Variants in SUPT5H observed in about 807,000 individuals in gnomAD.
The protein encoded by SUPT5H is SPT5 homolog, DSIF elongation factor subunit.
In SUPT5H, 24 loss-of-function variants were observed where a neutral mutation model predicts 142.5. The ratio of observed to expected loss-of-function variants is 0.17; its 90% CI spans 0.12 to 0.24. The LOEUF (loss-of-function observed/expected upper bound fraction) is 0.24, where lower values mean the gene tolerates loss of function less well. SUPT5H is among the 10% of genes least tolerant of loss of function. SUPT5H has a pLI of 1.00. For missense variants in SUPT5H, 893 were observed against 1,471.8 expected (o/e 0.61, Z 6.43); for synonymous variants, 546 against 553.0 (o/e 0.99, Z 0.18).
Position 39,445,959 on chromosome 19 carries a change from G to C in SUPT5H, c.69G>C (p.Glu23Asp), listed in dbSNP as rs1055319121. 70 of 1,612,710 alleles carry C rather than the reference G, an allele frequency of 4.3e-5. No individual in the cohort carries two copies. Among genetic ancestry groups the C allele is most frequent in the Non-Finnish European group, 5.7e-5 (67 of 1,179,948 alleles). Residue 23 changes from glutamate (E) to aspartate (D), a missense_variant, in exon 2 of 30, where the codon GAG (glutamate) becomes GAC (aspartate). Glu to Asp is a conservative substitution (Grantham distance 45). Coordinates refer to ENST00000432763, the MANE Select transcript of SUPT5H (RefSeq NM_001111020.3). ...GCGAGCGCAGCAGTGACGGCGAGGA[G>C]GCCGAGGTCTGTGGCTGGGGCGCTG... ...EDSERSSDGE[E>D]AEVDEERRSA...
In SUPT5H at chr19:39,458,417, C is replaced by T. The variant is rs367773535; in HGVS notation, c.319+112C>T. ...CCTCCCCACCAGCCCCGGTCTGGCC[C>T]TGAGGGCTCTGACCCATGTAGGATC... On this transcript the variant is annotated intron_variant, in intron 5 of 29. Transcript: ENST00000432763. The surrounding 1 kb of genome is among the most constrained non-coding windows in gnomAD (Gnocchi z 4.2). 14 of 1,564,180 alleles carry T rather than the reference C, an allele frequency of 9.0e-6. No homozygotes were observed. In the African/African-American group the frequency reaches 1.7e-4, roughly 20 times the overall value.
At chr19:39,465,843 C>T (rs566126938) in intron 11 of SUPT5H, among the ~76,000 whole-genome samples, 26 of 152,180 alleles carry the variant, frequency 1.7e-4, no homozygotes, top group Non-Finnish European at 2.8e-4. Context: ...CCCTAATACA[C>T]GTTGAGTGTC....
In SUPT5H at chr19:39,474,991, G is replaced by A. The variant is rs117346735; in HGVS notation, c.3024+273G>A. On this transcript the variant is annotated intron_variant, in intron 28 of 29. Coordinates refer to ENST00000432763, the MANE Select transcript of SUPT5H (RefSeq NM_001111020.3). The surrounding 1 kb of genome is among the most constrained non-coding windows in gnomAD (Gnocchi z 6.5). ...TAAGGAAAGTGACTGGGGTGAGTGA[G>A]TTCCAAATGGAGGGAACTGCATGTG... 2,187 of 528,144 alleles carry A rather than the reference G, an allele frequency of 4.1e-3. 9 individuals carry two copies. The highest frequency in any genetic ancestry group is 6.7e-3 in the Middle Eastern group (13 of 1,952). The allele number at this position is 528,144 out of a possible 1,614,324, so 32.7% of individuals were successfully genotyped here.
rs2079318593 is a variant in SUPT5H, at chr19:39,471,423, C to T, written c.1744C>T (p.Arg582Cys). 6 of 1,614,078 alleles carry T rather than the reference C, an allele frequency of 3.7e-6. No individual in the cohort carries two copies. Among genetic ancestry groups the T allele is most frequent in the African/African-American group, 1.3e-5 (1 of 74,932 alleles). ...HQAVTRKKDNRFAVALDSEQN... is the reference protein window; with the variant it reads ...HQAVTRKKDNCFAVALDSEQN... ...GGCTGTGACCCGGAAGAAGGACAACCGCTTTGCTGTGGCCTTGGACTCAGA... is the reference window on the plus strand; with the variant it reads ...GGCTGTGACCCGGAAGAAGGACAACTGCTTTGCTGTGGCCTTGGACTCAGA... The change falls in exon 19 of 30, where the codon CGC (arginine) becomes TGC (cysteine). Residue 582 changes from arginine (R) to cysteine (C), a missense_variant. By Grantham distance (180) the Arg-to-Cys change is radical. Transcript: ENST00000432763.
intron 2 of SUPT5H, among the ~76,000 whole-genome samples, chr19:39,446,675 G>A (rs1470635272): frequency 6.6e-6 from 1 of 152,174 alleles, no homozygotes; most frequent in Non-Finnish European, 1.5e-5. Context: ...GAGCAATCTC[G>A]GTAACACAAC....
rs118109109 is a variant in SUPT5H at position 39,475,914 on chromosome 19, A to G, written c.3025-167A>G. On this transcript the variant is annotated intron_variant, in intron 28 of 29. Coordinates refer to ENST00000432763, the MANE Select transcript of SUPT5H (RefSeq NM_001111020.3). Reference sequence around the variant, plus strand: ...ATTGGGTCACCCTGTCCACCCTGACATGCACCACAGGCCCCAGGCCTTGGA... The same window carrying G: ...ATTGGGTCACCCTGTCCACCCTGACGTGCACCACAGGCCCCAGGCCTTGGA... 6,194 of 626,990 alleles carry G rather than the reference A, an allele frequency of 9.9e-3. 56 individuals are homozygous for G. Among genetic ancestry groups the G allele is most frequent in the Non-Finnish European group, 0.012 (4,248 of 359,542 alleles). The allele number at this position is 626,990 out of a possible 1,614,324, so 38.8% of individuals were successfully genotyped here.
intron 28 of SUPT5H, chr19:39,475,844 G>A (rs1256488878): frequency 1.8e-6 from 1 of 556,730 alleles, no homozygotes; most frequent in Non-Finnish European, 3.2e-6. Context: ...TCAAGAAGCA[G>A]TCTCCTTTTT....
Position 39,469,767 on chromosome 19 carries a change from C to T in SUPT5H, c.1375-352C>T. On this transcript the variant is annotated intron_variant, in intron 16 of 29. Coordinates refer to ENST00000432763, the MANE Select transcript of SUPT5H (RefSeq NM_001111020.3). The surrounding 1 kb of genome is among the most constrained non-coding windows in gnomAD (Gnocchi z 5.1). ...TCTGGTGTATGTCTGAGGGGTTGTG[C>T]AGGCCCAGTGTGATGTGTGGGGTGA... 2.1e-6 allele frequency: 1 copy of T among 477,784 alleles called. No individual in the cohort carries two copies. The highest frequency in any genetic ancestry group is 3.8e-6 in the Non-Finnish European group (1 of 260,482). The allele number at this position is 477,784 out of a possible 1,614,324, so 29.6% of individuals were successfully genotyped here.
In SUPT5H at chr19:39,458,916, T is replaced by C; in HGVS notation, c.389+29T>C. Reference sequence around the variant, plus strand: ...GGCAAGGAAGGGAAACGTGGTGGGATTGGCTCCTGTGGGGAGATTTGGGAG... The same window carrying C: ...GGCAAGGAAGGGAAACGTGGTGGGACTGGCTCCTGTGGGGAGATTTGGGAG... On this transcript the variant is annotated intron_variant, in intron 6 of 29. Transcript: ENST00000432763. The surrounding 1 kb of genome is among the most constrained non-coding windows in gnomAD (Gnocchi z 4.2). The C allele has an allele frequency of 6.2e-7, 1 of 1,613,764 alleles. No homozygotes were observed. Among genetic ancestry groups the C allele is most frequent in the Non-Finnish European group, 8.5e-7 (1 of 1,179,758 alleles).
At chr19:39,451,023 G>A (rs1284385592) in intron 2 of SUPT5H, among the ~76,000 whole-genome samples, 5 of 151,850 alleles carry the variant, frequency 3.3e-5, no homozygotes, top group African/African-American at 9.7e-5. Context: ...AAGAAGGTGA[G>A]TAGATTTGAA....
rs77989588 is a variant in SUPT5H, at chr19:39,466,593, G to T, written c.966+24G>T. 4.2e-5 allele frequency: 47 copies of T among 1,119,408 alleles called. No individual in the cohort carries two copies. Among genetic ancestry groups the T allele is most frequent in the Middle Eastern group, 4.3e-4 (2 of 4,684 alleles). 69.3% of individuals were successfully genotyped at this position (1,119,408 alleles called of 1,614,324 possible). On this transcript the variant is annotated intron_variant, in intron 12 of 29. Coordinates refer to ENST00000432763, the MANE Select transcript of SUPT5H (RefSeq NM_001111020.3). This position sits in a 1 kb window ranked among gnomAD's most constrained non-coding sequence, Gnocchi z 4.3. ...TGGTACTCAGGGGAATCTGTGGCCTGGGGGGGAGGGAGTGTGCTCGATCCC... is the reference window on the plus strand; with the variant it reads ...TGGTACTCAGGGGAATCTGTGGCCTTGGGGGGAGGGAGTGTGCTCGATCCC...
chr19:39,476,557 C>T lies in SUPT5H; in HGVS notation c.*158C>T. ...TTTTCCATCTTTTCCCTCCCTGGTG[C>T]TCATTGGAATCTGAGTAGAGTCTGG... On this transcript the variant is annotated 3_prime_UTR_variant, in exon 30 of 30. Coordinates refer to ENST00000432763, the MANE Select transcript of SUPT5H (RefSeq NM_001111020.3). 1 of 978,684 alleles carries T rather than the reference C, an allele frequency of 1.0e-6. No homozygotes were observed. The highest frequency in any genetic ancestry group is 1.5e-6 in the Non-Finnish European group (1 of 678,256). 60.6% of individuals were successfully genotyped at this position (978,684 alleles called of 1,614,324 possible).
chr19:39,457,067 C>G (rs2079100255), intron 3 of SUPT5H, among the ~76,000 whole-genome samples: 1 of 152,234 alleles, frequency 6.6e-6, no homozygotes, highest in Non-Finnish European at 1.5e-5. Context: ...AGCAGTACAT[C>G]CAACATGGTA....
chr19:39,473,194 C>T lies in SUPT5H; in HGVS notation c.2259-9C>T, dbSNP rs143003355. 87 of 1,611,600 alleles carry T rather than the reference C, an allele frequency of 5.4e-5. No homozygotes were observed. In the Middle Eastern group the frequency reaches 2.8e-3, roughly 52 times the overall value. ...GTCTGCTCACCCCATTTGTTCTCTG[C>T]GTCCCCAGGGGCTCACGGCGCCCGG... On this transcript the variant is annotated splice_polypyrimidine_tract_variant and intron_variant, in intron 23 of 29. Transcript: ENST00000432763. The surrounding 1 kb of genome is among the most constrained non-coding windows in gnomAD (Gnocchi z 5.8).
chr19:39,460,619 T>C (rs2079148570), intron 10 of SUPT5H, among the ~76,000 whole-genome samples: 1 of 151,978 alleles, frequency 6.6e-6, no homozygotes, highest in South Asian at 2.1e-4. Context: ...ACACCTGTAG[T>C]CCCAGCTACT....
chr19:39,450,196 C>T (rs891422183), intron 2 of SUPT5H, among the ~76,000 whole-genome samples: 9 of 152,112 alleles, frequency 5.9e-5, no homozygotes, highest in African/African-American at 2.2e-4. Context: ...ACCTTGGCCT[C>T]CCAAAGTGTT....
In SUPT5H at chr19:39,445,793, TC is replaced by T; in HGVS notation, c.-87-10del. 1 of 1,470,172 alleles carries T rather than the reference TC, an allele frequency of 6.8e-7. No individual in the cohort carries two copies. Among genetic ancestry groups the T allele is most frequent in the Non-Finnish European group, 9.3e-7 (1 of 1,074,602 alleles). 91.1% of individuals were successfully genotyped at this position (1,470,172 alleles called of 1,614,324 possible). The stretch of plus-strand genomic sequence containing the variant: ...CTGCCGGAAGCGCCCTAAGGGGTTT[TC>T]TTCTCCCAGGGAACCAGCGGGGAAA... On this transcript the variant is annotated splice_polypyrimidine_tract_variant and intron_variant, in intron 1 of 29. Coordinates refer to ENST00000432763, the MANE Select transcript of SUPT5H (RefSeq NM_001111020.3).
intron 3 of SUPT5H, among the ~76,000 whole-genome samples, chr19:39,454,488 G>A (rs557324857): frequency 6.6e-6 from 1 of 151,864 alleles, no homozygotes; most frequent in Non-Finnish European, 1.5e-5. Flanking sequence ...GGGACTACGG[G>A]CACGTGCCAC....
At position 39,466,582 on chromosome 19, in the gene SUPT5H, A is replaced by G. The variant is rs372683133; in HGVS notation, c.966+13A>G. 87 of 1,610,598 alleles carry G rather than the reference A, an allele frequency of 5.4e-5. No individual in the cohort carries two copies. The highest frequency in any genetic ancestry group is 7.3e-5 in the Non-Finnish European group (86 of 1,178,354). ...CCGCATGAGCTTGGTACTCAGGGGA[A>G]TCTGTGGCCTGGGGGGGAGGGAGTG... On this transcript the variant is annotated intron_variant, in intron 12 of 29. Transcript: ENST00000432763. The surrounding 1 kb of genome is among the most constrained non-coding windows in gnomAD (Gnocchi z 4.3).
Sources: gnomAD v4.1 joint callset for allele counts (sites outside exome capture counted in the v4.1 genomes callset) on GRCh38, gnomAD v4.1.1 for gene constraint, Gnocchi (gnomAD v3.1) non-coding constraint, MANE v1.5 for transcripts, NCBI Gene and HGNC (gene_info 2026-07-23, HGNC 2026-07-21) for gene names.